Variants in RIMBP2 observed in about 807,000 individuals in gnomAD.
RIMBP2 encodes the protein RIMS binding protein 2.
Under a neutral mutation model 118.6 loss-of-function variants are expected in RIMBP2, and 48 were observed. The ratio of observed to expected loss-of-function variants is 0.40; its 90% CI spans 0.32 to 0.51. The LOEUF (loss-of-function observed/expected upper bound fraction) is 0.51. Among genes scored for constraint, RIMBP2 ranks in the 20% least tolerant of loss-of-function variants. RIMBP2 has a pLI of 0.41. For missense variants in RIMBP2, 1,551 were observed against 1,768.3 expected, an observed-to-expected ratio of 0.88 and a Z score of 2.20; for synonymous variants, 762 against 742.9, an observed-to-expected ratio of 1.03 and a Z score of -0.42.
intron 18 of RIMBP2, among the ~76,000 whole-genome samples, 184 bp from the exon 19 acceptor site, chr12:130,412,971 ATGACTC>A (rs2075835401): frequency 6.6e-6 from 1 of 152,154 alleles, no homozygotes; most frequent in African/African-American, 2.4e-5. Context: ...CCCTCGCTCT[ATGACTC>A]TGACTTAAGA....
chr12:130,434,334 A>G lies in RIMBP2; in HGVS notation c.2253+400T>C, dbSNP rs1034985617. Among the ~76,000 whole-genome samples the G allele has an allele frequency of 6.6e-6, 1 of 152,058 alleles. No individual in the cohort carries two copies. The highest frequency in any genetic ancestry group is 6.5e-5 in the Admixed American group (1 of 15,272). ...CTGAAGGACGAACACTGACTGTGTT[A>G]TTTTTGGCTCCCATGATGCCTCCCT... On this transcript the variant is annotated intron_variant, in intron 14 of 22. Coordinates refer to ENST00000690449, the MANE Select transcript of RIMBP2 (RefSeq NM_001393629.1). This position sits in a 1 kb window ranked among gnomAD's most constrained non-coding sequence, Gnocchi z 5.7.
chr12:130,700,013 G>A (rs910886147), intron 1 of RIMBP2, among the ~76,000 whole-genome samples: 2 of 151,428 alleles, frequency 1.3e-5, no homozygotes, highest in Non-Finnish European at 2.9e-5. Context: ...ATTCTACGTA[G>A]GCCAAATAGA....
In RIMBP2 at chr12:130,506,488, T is replaced by C. The variant is rs1436069382; in HGVS notation, c.-4+160A>G. 2.6e-5 allele frequency among the ~76,000 whole-genome samples: 4 copies of C among 152,312 alleles called. No homozygotes were observed. In the East Asian group the frequency reaches 7.7e-4, roughly 29 times the overall value. On this transcript the variant is annotated intron_variant, in intron 4 of 22. Coordinates refer to ENST00000690449, the MANE Select transcript of RIMBP2 (RefSeq NM_001393629.1). ...GAATTTTGTTATTTATTGCTTTTTA[T>C]ACCACAAAAAGGGGAAAAACAGCCC...
intron 9 of RIMBP2, 62 bp from the exon 10 acceptor site, chr12:130,445,331 C>T (rs940140382): frequency 9.1e-5 from 107 of 1,176,218 alleles, no homozygotes; most frequent in African/African-American, 1.2e-4. Flanking sequence ...CACCCCTGTC[C>T]GTGCAGAACG....
At chr12:130,451,842 C>G (rs1022643810) in intron 7 of RIMBP2, among the ~76,000 whole-genome samples, 3 of 152,242 alleles carry the variant, frequency 2.0e-5, no homozygotes, top group African/African-American at 7.2e-5. Context: ...AGGTGACAGA[C>G]AGACTCCTTT....
intron 1 of RIMBP2, among the ~76,000 whole-genome samples, chr12:130,675,791 T>A (rs1438465719): frequency 2.0e-5 from 3 of 152,144 alleles, no homozygotes; most frequent in African/African-American, 7.3e-5. Context: ...GAAACTGCTG[T>A]GCTTATGACC....
chr12:130,578,454 A>G lies in RIMBP2; in HGVS notation c.-217+49868T>C, dbSNP rs2058239520. Among the ~76,000 whole-genome samples the G allele has an allele frequency of 6.6e-6, 1 of 151,900 alleles. No homozygotes were observed. Among genetic ancestry groups the G allele is most frequent in the South Asian group, 2.1e-4 (1 of 4,808 alleles). On this transcript the variant is annotated intron_variant, in intron 2 of 22. Coordinates refer to ENST00000690449, the MANE Select transcript of RIMBP2 (RefSeq NM_001393629.1). The surrounding 1 kb of genome is among the most constrained non-coding windows in gnomAD (Gnocchi z 4.1). Reference sequence around the variant, plus strand: ...GCTTTGCCCCTGCCTCACCTGTCCAACCTCGCCTTGACCTGACTCTCCAGC... The same window carrying G: ...GCTTTGCCCCTGCCTCACCTGTCCAGCCTCGCCTTGACCTGACTCTCCAGC...
chr12:130,436,139 C>A (rs2077492993), intron 13 of RIMBP2, among the ~76,000 whole-genome samples: 1 of 152,228 alleles, frequency 6.6e-6, no homozygotes, highest in Non-Finnish European at 1.5e-5. Context: ...CCCAGCCCCA[C>A]ATCTCTTCCC....
chr12:130,438,624 C>T, intron 11 of RIMBP2, 108 bp from the exon 12 acceptor site: 3 of 1,085,424 alleles, frequency 2.8e-6, no homozygotes, highest in Admixed American at 3.2e-5. Context: ...TCGGTAAAGT[C>T]GCCAGGGAAA....
At chr12:130,678,523 T>A (rs1169211026) in intron 1 of RIMBP2, among the ~76,000 whole-genome samples, 1 of 152,104 alleles carries the variant, frequency 6.6e-6, no homozygotes, top group East Asian at 1.9e-4. Flanking sequence ...ATTGCACTTT[T>A]TTTTTTCTTT....
At chr12:130,657,762 G>A (rs1466469878) in intron 1 of RIMBP2, 1 of 151,022 alleles carries the variant, frequency 6.6e-6, no homozygotes, top group African/African-American at 2.4e-5. Flanking sequence ...GCGGAGGATG[G>A]AGCCCCAGCG....
intron 14 of RIMBP2, chr12:130,429,956 T>C (rs34687040): frequency 0.18 from 27,892 of 152,224 alleles, 2,649 homozygotes; most frequent in East Asian, 0.3. Flanking sequence ...GGGGAGGGAC[T>C]GCCTGCACCA....
intron 19 of RIMBP2, among the ~76,000 whole-genome samples, 184 bp downstream of exon 19, chr12:130,412,435 T>G (rs565536219): frequency 6.6e-6 from 1 of 152,328 alleles, no homozygotes; most frequent in East Asian, 1.9e-4. Context: ...CACAGGAGAC[T>G]ACTGGCAGTC....
intron 1 of RIMBP2, chr12:130,660,598 T>C (rs7964428): frequency 0.54 from 82,383 of 151,704 alleles, 22,992 homozygotes; most frequent in Non-Finnish European, 0.62. Context: ...CCAGCTGCCT[T>C]GAACTCTGGG....
chr12:130,407,943 A>G, intron 19 of RIMBP2, 114 bp from the exon 20 acceptor site: 5 of 890,964 alleles, frequency 5.6e-6, no homozygotes, highest in Non-Finnish European at 9.3e-6. Context: ...GGCACTGCTA[A>G]CAGGGCCACG....
In RIMBP2 at chr12:130,585,713, C is replaced by T. The variant is rs568710550; in HGVS notation, c.-217+42609G>A. Among the ~76,000 whole-genome samples the T allele has an allele frequency of 4.4e-4, 67 of 152,164 alleles. No homozygotes were observed. In the South Asian group the frequency reaches 8.5e-3, roughly 19 times the overall value. ...TTTGAAAAATCCAAAGATCTAGCAG[C>T]ACTGAGCCCAGGAAATTCAGTGGGC... On this transcript the variant is annotated intron_variant, in intron 2 of 22. Coordinates refer to ENST00000690449, the MANE Select transcript of RIMBP2 (RefSeq NM_001393629.1).
chr12:130,413,218 A>G (rs1407252180), intron 18 of RIMBP2, among the ~76,000 whole-genome samples: 1 of 152,186 alleles, frequency 6.6e-6, no homozygotes, highest in African/African-American at 2.4e-5. Context: ...GACCGTTCTC[A>G]AATGCCAACT....
intron 1 of RIMBP2, chr12:130,659,969 A>C (rs1167652741): frequency 1.4e-5 from 2 of 138,640 alleles, no homozygotes; most frequent in Admixed American, 1.5e-4. Flanking sequence ...GCAAGACTCC[A>C]TCTCAAAAAA....
intron 4 of RIMBP2, among the ~76,000 whole-genome samples, chr12:130,490,681 G>T (rs963791159): frequency 6.6e-6 from 1 of 152,182 alleles, no homozygotes; most frequent in Admixed American, 6.5e-5. Flanking sequence ...AAAGTCACTG[G>T]CCATAAACAA....
Sources: gnomAD v4.1 joint callset for allele counts (sites outside exome capture counted in the v4.1 genomes callset) on GRCh38, gnomAD v4.1.1 for gene constraint, Gnocchi (gnomAD v3.1) non-coding constraint, MANE v1.5 for transcripts, NCBI Gene and HGNC (gene_info 2026-07-23, HGNC 2026-07-21) for gene names.